GPR39: variants seen among roughly 807,000 people sequenced by gnomAD.
GPR39 encodes zinc sensing receptor.
Under a neutral mutation model 18.4 loss-of-function variants are expected in GPR39, and 23 were observed. The ratio of observed to expected loss-of-function variants is 1.25; its 90% CI spans 0.90 to 1.77. GPR39 has a LOEUF of 1.77. GPR39 is among the 40% of genes most tolerant of loss of function. The probability of loss-of-function intolerance (pLI) is 0.00; values close to 1 mark genes in which losing one functional copy is unlikely to be tolerated. For missense variants in GPR39, 647 were observed against 602.4 expected (o/e 1.07, Z -0.78); for synonymous variants, 280 against 257.9 (o/e 1.09, Z -0.82).
intron 1 of GPR39, among the ~76,000 whole-genome samples, chr2:132,457,728 T>G (rs557049471): frequency 4.1e-4 from 63 of 152,356 alleles, no homozygotes; most frequent in Non-Finnish European, 7.3e-4. Context: ...TCAGCTATGT[T>G]TTGCCCACAG....
At chr2:132,540,000 G>T (rs1484918968) in intron 1 of GPR39, among the ~76,000 whole-genome samples, 1 of 152,078 alleles carries the variant, frequency 6.6e-6, no homozygotes, top group Non-Finnish European at 1.5e-5. Flanking sequence ...TCTTCCATCT[G>T]CACCCCACAG....
intron 1 of GPR39, among the ~76,000 whole-genome samples, chr2:132,631,484 C>A (rs1282086078): frequency 6.6e-6 from 1 of 152,216 alleles, no homozygotes; most frequent in Non-Finnish European, 1.5e-5. Flanking sequence ...AAGCCTGATA[C>A]CATCTCAACC....
intron 1 of GPR39, among the ~76,000 whole-genome samples, chr2:132,591,616 C>T (rs1282069749): frequency 6.6e-6 from 1 of 152,148 alleles, no homozygotes; most frequent in African/African-American, 2.4e-5. Context: ...TTAGCTTTGT[C>T]CCTCTAGAGA....
chr2:132,510,299 A>G (rs985202189), intron 1 of GPR39, among the ~76,000 whole-genome samples: 1 of 152,168 alleles, frequency 6.6e-6, no homozygotes, highest in Non-Finnish European at 1.5e-5. Flanking sequence ...GGCAGGCAGC[A>G]AGAGACCACA....
intron 1 of GPR39, among the ~76,000 whole-genome samples, chr2:132,620,230 C>T (rs1336732221): frequency 6.6e-6 from 1 of 152,120 alleles, no homozygotes; most frequent in Non-Finnish European, 1.5e-5. Flanking sequence ...CAGTTCCCTC[C>T]GGAGGCAGGA....
intron 1 of GPR39, among the ~76,000 whole-genome samples, chr2:132,462,037 A>G (rs1680842065): frequency 6.6e-6 from 1 of 152,146 alleles, no homozygotes; most frequent in African/African-American, 2.4e-5. Flanking sequence ...TTCTTTATAA[A>G]TTCATCTCCA....
intron 1 of GPR39, among the ~76,000 whole-genome samples, chr2:132,459,018 T>G (rs7608451): frequency 0.5 from 76,199 of 152,038 alleles, 20,869 homozygotes; most frequent in Non-Finnish European, 0.62. Context: ...CCATTTCCAT[T>G]GTTGAAAGTA....
intron 1 of GPR39, among the ~76,000 whole-genome samples, chr2:132,476,766 A>C (rs1206616632): frequency 6.6e-6 from 1 of 152,144 alleles, no homozygotes; most frequent in Non-Finnish European, 1.5e-5. Flanking sequence ...CAAGCTGGCC[A>C]CAGTATCACA....
chr2:132,429,600 G>C (rs1394566679), intron 1 of GPR39, among the ~76,000 whole-genome samples: 1 of 152,222 alleles, frequency 6.6e-6, no homozygotes, highest in African/African-American at 2.4e-5. Flanking sequence ...TAGCCACATG[G>C]ACTCTCTTTG....
At chr2:132,493,449 T>C (rs144928375) in intron 1 of GPR39, among the ~76,000 whole-genome samples, 32 of 140,194 alleles carry the variant, frequency 2.3e-4, no homozygotes, top group African/African-American at 7.9e-4. Flanking sequence ...ACCATATATA[T>C]ACACACCATA....
chr2:132,543,333 G>C (rs879299560), intron 1 of GPR39, among the ~76,000 whole-genome samples: 5 of 152,064 alleles, frequency 3.3e-5, no homozygotes, highest in Non-Finnish European at 7.4e-5. Flanking sequence ...TTCCCTTACC[G>C]TGTATGTGTT....
intron 1 of GPR39, among the ~76,000 whole-genome samples, chr2:132,514,083 C>T (rs1005018258): frequency 3.3e-5 from 5 of 151,982 alleles, no homozygotes; most frequent in Admixed American, 6.5e-5. Context: ...GTGGGTGATA[C>T]GGGGATGGGG....
At chr2:132,505,415 C>T (rs1047208908) in intron 1 of GPR39, among the ~76,000 whole-genome samples, 19 of 152,166 alleles carry the variant, frequency 1.2e-4, no homozygotes, top group African/African-American at 4.6e-4. Flanking sequence ...TTCAAATTCT[C>T]TCTTCTAGCT....
At chr2:132,630,347 C>G (rs1413674472) in intron 1 of GPR39, among the ~76,000 whole-genome samples, 1 of 152,088 alleles carries the variant, frequency 6.6e-6, no homozygotes, top group Non-Finnish European at 1.5e-5. Context: ...TAACAGTTAA[C>G]AAGGAGAGAA....
intron 1 of GPR39, among the ~76,000 whole-genome samples, chr2:132,566,622 G>A (rs1049957669): frequency 5.3e-5 from 8 of 152,128 alleles, no homozygotes; most frequent in African/African-American, 9.7e-5. Context: ...AACATTGTTC[G>A]GGTGGCACAG....
At chr2:132,549,951 C>A (rs16834526) in intron 1 of GPR39, among the ~76,000 whole-genome samples, 50,313 of 151,934 alleles carry the variant, frequency 0.33, 8,660 homozygotes, top group African/African-American at 0.42. Flanking sequence ...AATCCGTTTT[C>A]CATTTTTAAG....
At chr2:132,513,489 C>A (rs1176208260) in intron 1 of GPR39, among the ~76,000 whole-genome samples, 1 of 151,898 alleles carries the variant, frequency 6.6e-6, no homozygotes, top group African/African-American at 2.4e-5. Flanking sequence ...TGTATTCCAC[C>A]GCTAGATATC....
chr2:132,517,639 A>G (rs1251778093), intron 1 of GPR39, among the ~76,000 whole-genome samples: 1 of 152,210 alleles, frequency 6.6e-6, no homozygotes, highest in Non-Finnish European at 1.5e-5. Flanking sequence ...ACAGCATGCT[A>G]CTTCTCATGG....
chr2:132,429,486 C>T (rs897823684), intron 1 of GPR39, among the ~76,000 whole-genome samples: 2 of 152,200 alleles, frequency 1.3e-5, no homozygotes, highest in Non-Finnish European at 2.9e-5. Flanking sequence ...AGCTTGCTTT[C>T]CCAGCATCCC....
Sources: allele counts gnomAD v4.1 joint callset (sites outside exome capture counted in the v4.1 genomes callset), GRCh38; gene constraint gnomAD v4.1.1; transcripts MANE v1.5; gene names NCBI Gene and HGNC (gene_info 2026-07-23, HGNC 2026-07-21).